Variants in TMEM132B observed in about 807,000 individuals in gnomAD.
TMEM132B encodes the protein transmembrane protein 132B.
Under a neutral mutation model 90.8 loss-of-function variants are expected in TMEM132B, and 18 were observed. That is an observed-to-expected ratio of 0.20 (90% CI 0.14 to 0.29). The LOEUF is 0.29. TMEM132B is among the 10% of genes least tolerant of loss of function. The probability of loss-of-function intolerance (pLI) is 1.00; values close to 1 mark genes in which losing one functional copy is unlikely to be tolerated. For missense variants in TMEM132B, 1,096 were observed against 1,326.8 expected (o/e 0.83, Z 2.70); for synonymous variants, 504 against 523.3 (o/e 0.96, Z 0.50).
chr12:125,409,448 G>C (rs1879621564), intron 2 of TMEM132B, among the ~76,000 whole-genome samples: 1 of 152,190 alleles, frequency 6.6e-6, no homozygotes, highest in East Asian at 1.9e-4. Flanking sequence ...GTGTGCACAG[G>C]AGCTGATTGA....
chr12:125,645,143 G>A (rs767081188), intron 6 of TMEM132B, among the ~76,000 whole-genome samples: 4 of 150,686 alleles, frequency 2.7e-5, no homozygotes, highest in South Asian at 2.1e-4. Context: ...GCCTGAACCC[G>A]GGAGGCGGAG....
At chr12:125,236,511 T>G (rs1340107523) in intron 1 of TMEM132B, among the ~76,000 whole-genome samples, 1 of 152,202 alleles carries the variant, frequency 6.6e-6, no homozygotes, top group East Asian at 1.9e-4. Context: ...CACATTCTGC[T>G]TATCGGGTAT....
chr12:125,573,476 A>G (rs1450113245), intron 4 of TMEM132B, among the ~76,000 whole-genome samples: 1 of 152,248 alleles, frequency 6.6e-6, no homozygotes, highest in Non-Finnish European at 1.5e-5. Flanking sequence ...ACTGCTGTGG[A>G]AAACAAACCT....
intron 3 of TMEM132B, among the ~76,000 whole-genome samples, chr12:125,433,091 C>T (rs922974192): frequency 1.1e-4 from 16 of 152,224 alleles, no homozygotes; most frequent in Admixed American, 9.2e-4. Flanking sequence ...GCGTGCCCCA[C>T]GCTGTGCATG....
chr12:125,525,842 A>G (rs1417235173), intron 4 of TMEM132B, among the ~76,000 whole-genome samples: 2 of 152,174 alleles, frequency 1.3e-5, no homozygotes, highest in African/African-American at 4.8e-5. Context: ...ACCCCTCCAC[A>G]GTCCCAGGGT....
At chr12:125,653,544 C>T (rs1452984422) in intron 8 of TMEM132B, 21 bp from the exon 9 acceptor site, 1 of 1,588,944 alleles carries the variant, frequency 6.3e-7, no homozygotes, top group Non-Finnish European at 8.6e-7. Context: ...TAACATAATG[C>T]TTTGGTTTCA....
chr12:125,272,905 A>G (rs144098006), intron 1 of TMEM132B, among the ~76,000 whole-genome samples: 1 of 152,288 alleles, frequency 6.6e-6, no homozygotes, highest in Admixed American at 6.5e-5. Context: ...TCTTCGCTCA[A>G]ACAGTCAGAT....
At chr12:125,630,819 TTATAA>T (rs2136994653) in intron 5 of TMEM132B, among the ~76,000 whole-genome samples, 1 of 152,250 alleles carries the variant, frequency 6.6e-6, no homozygotes, top group African/African-American at 2.4e-5. Flanking sequence ...TAGCTGACAC[TTATAA>T]GTGAGAACAT....
At chr12:125,268,497 CAG>C (rs1168486235) in intron 1 of TMEM132B, among the ~76,000 whole-genome samples, 17 of 152,178 alleles carry the variant, frequency 1.1e-4, no homozygotes, top group Admixed American at 1.1e-3. Context: ...AAAATGAAGA[CAG>C]TGTATATATT....
Position 125,350,173 on chromosome 12 carries a change from G to A in TMEM132B, c.789G>A (p.Arg263=). The A allele has an allele frequency of 2.5e-6, 4 of 1,614,208 alleles. No individual in the cohort carries two copies. Among genetic ancestry groups the A allele is most frequent in the South Asian group, 2.2e-5 (2 of 91,074 alleles). The change falls in exon 2 of 9, where the codon AGG becomes AGA. Residue 263 remains arginine, a synonymous_variant. Transcript: ENST00000682704. The part of the protein sequence containing the change: ...SPQQAFPARE[R]IGSVVVYPTQ... ...AGCAAGCGTTTCCAGCCCGAGAGAG[G>A]ATTGGGAGTGTGGTGGTCTACCCAA...
At chr12:125,563,560 G>A (rs1199563856) in intron 4 of TMEM132B, among the ~76,000 whole-genome samples, 1 of 116,442 alleles carries the variant, frequency 8.6e-6, no homozygotes, top group Admixed American at 9.5e-5. Context: ...GCGAGACTCT[G>A]TCTCAAAAAC....
intron 1 of TMEM132B, among the ~76,000 whole-genome samples, chr12:125,206,794 G>C (rs1873195519): frequency 6.6e-6 from 1 of 152,216 alleles, no homozygotes; most frequent in Non-Finnish European, 1.5e-5. Flanking sequence ...AGCATTCTGA[G>C]CTGGTGGCAG....
intron 2 of TMEM132B, among the ~76,000 whole-genome samples, chr12:125,373,983 C>T (rs185747902): frequency 2.0e-5 from 3 of 152,240 alleles, no homozygotes; most frequent in East Asian, 1.9e-4. Flanking sequence ...TTAGTAGAGA[C>T]GGGCTTTTGC....
At chr12:125,265,727 T>C (rs1874677513) in intron 1 of TMEM132B, among the ~76,000 whole-genome samples, 1 of 152,180 alleles carries the variant, frequency 6.6e-6, no homozygotes, top group African/African-American at 2.4e-5. Flanking sequence ...CTTTACCCTT[T>C]ACCTGTTTTT....
At chr12:125,437,578 A>C (rs1455684205) in intron 3 of TMEM132B, among the ~76,000 whole-genome samples, 1 of 151,188 alleles carries the variant, frequency 6.6e-6, no homozygotes, top group African/African-American at 2.4e-5. Context: ...CCATTTCTCC[A>C]CATGCTCATA....
Position 125,367,807 on chromosome 12 carries a change from C to A in TMEM132B, c.959+17464C>A, listed in dbSNP as rs2136264130. On this transcript the variant is annotated intron_variant, in intron 2 of 8. Coordinates refer to ENST00000682704, the MANE Select transcript of TMEM132B (RefSeq NM_001366854.1). ...ACGTAGGACCAACTCTAGTATCTCACTCAACCATTACCAGAAATAGATTTA... is the reference window on the plus strand; with the variant it reads ...ACGTAGGACCAACTCTAGTATCTCAATCAACCATTACCAGAAATAGATTTA... Among the ~76,000 whole-genome samples the A allele has an allele frequency of 2.6e-5, 4 of 152,270 alleles. No individual in the cohort carries two copies. In the Middle Eastern group the frequency reaches 0.014, roughly 518 times the overall value.
rs140899633 is a variant in TMEM132B at position 125,398,459 on chromosome 12, G to A, written c.960-17072G>A. Among the ~76,000 whole-genome samples the A allele has an allele frequency of 8.6e-3, 1,317 of 152,290 alleles. 24 individuals are homozygous for A. The highest frequency in any genetic ancestry group is 0.029 in the African/African-American group (1,197 of 41,560). On this transcript the variant is annotated intron_variant, in intron 2 of 8. Transcript: ENST00000682704. ...TTCTAAGTCAATGCAGAGAAAAAGC[G>A]TAGGGTAAACGCAGTAATTAGTAGC...
intron 1 of TMEM132B, among the ~76,000 whole-genome samples, chr12:125,244,101 T>C (rs1434993792): frequency 6.6e-6 from 1 of 152,222 alleles, no homozygotes; most frequent in Non-Finnish European, 1.5e-5. Flanking sequence ...ATGTCATTCT[T>C]TTTATGGCTG....
At position 125,650,698 on chromosome 12, in the gene TMEM132B, C is replaced by T. The variant is rs767749096; in HGVS notation, c.1659C>T (p.Ser553=). 3.4e-5 allele frequency: 55 copies of T among 1,607,974 alleles called. No individual in the cohort carries two copies. The Middle Eastern group carries it at 6.6e-4, about 19-fold the overall frequency. ...VAANRRPTRE[S]DDEDDEEKKG... ...TGTGCTCCAGGCCTACCCGGGAAAG[C>T]GATGACGAGGACGATGAGGAGAAGA... The change falls in exon 7 of 9, where the codon AGC becomes AGT. Residue 553 remains serine, a synonymous_variant. Coordinates refer to ENST00000682704, the MANE Select transcript of TMEM132B (RefSeq NM_001366854.1).
Sources: allele counts gnomAD v4.1 joint callset (sites outside exome capture counted in the v4.1 genomes callset), GRCh38; gene constraint gnomAD v4.1.1; transcripts MANE v1.5; gene names NCBI Gene and HGNC (gene_info 2026-07-23, HGNC 2026-07-21).